The following ROBO2 variants were observed in gnomAD, a reference collection of about 807,000 sequenced individuals.
ROBO2 encodes the protein roundabout guidance receptor 2, also known as roundabout homolog 2.
ROBO2 carries 53 observed loss-of-function variants against 160.8 expected under a neutral mutation model. The observed-to-expected ratio is 0.33, with a 90% CI of 0.26 to 0.41. ROBO2 has a LOEUF of 0.41. Among genes scored for constraint, ROBO2 ranks in the 10% least tolerant of loss-of-function variants. ROBO2 has a pLI of 1.00. For synonymous variants in ROBO2, 664 were observed against 611.7 expected, an observed-to-expected ratio of 1.09 and a Z score of -1.26; for missense variants, 1,577 against 1,722.4, an observed-to-expected ratio of 0.92 and a Z score of 1.49.
chr3:76,404,046 C>A (rs1354623451), intron 2 of ROBO2, among the ~76,000 whole-genome samples: 1 of 151,540 alleles, frequency 6.6e-6, no homozygotes, highest in Non-Finnish European at 1.5e-5. Context: ...AGGTTTTAGG[C>A]AAATGAATTT....
intron 2 of ROBO2, among the ~76,000 whole-genome samples, chr3:76,798,281 A>AAAG (rs2063906522): frequency 6.7e-6 from 1 of 150,022 alleles, no homozygotes; most frequent in Non-Finnish European, 1.5e-5. Flanking sequence ...AGAAAGAAAG[A>AAAG]AAGAAAGAAA....
intron 2 of ROBO2, among the ~76,000 whole-genome samples, chr3:76,095,204 G>T (rs1415085091): frequency 2.0e-5 from 3 of 151,972 alleles, no homozygotes; most frequent in Non-Finnish European, 4.4e-5. Context: ...ATGGAACTTT[G>T]TTGCTGATAT....
intron 2 of ROBO2, among the ~76,000 whole-genome samples, chr3:76,774,663 G>A (rs1288483462): frequency 6.6e-6 from 1 of 150,764 alleles, no homozygotes; most frequent in Admixed American, 6.6e-5. Context: ...AGACAGATAG[G>A]AAGCACCCTC....
chr3:76,877,335 C>T (rs1390902656), intron 2 of ROBO2, among the ~76,000 whole-genome samples: 2 of 152,094 alleles, frequency 1.3e-5, no homozygotes, highest in Non-Finnish European at 2.9e-5. Context: ...TTTCAGAATA[C>T]GACGCTGTTA....
chr3:77,469,469 G>C (rs899858297), intron 2 of ROBO2, among the ~76,000 whole-genome samples: 18 of 152,156 alleles, frequency 1.2e-4, no homozygotes, highest in Non-Finnish European at 2.5e-4. Flanking sequence ...GTAACTGGTG[G>C]TGGTGGTGGT....
At chr3:76,675,707 A>G (rs1437160046) in intron 2 of ROBO2, among the ~76,000 whole-genome samples, 1 of 152,180 alleles carries the variant, frequency 6.6e-6, no homozygotes, top group African/African-American at 2.4e-5. Context: ...CTGAGAACAA[A>G]GGTTTTAAAA....
In ROBO2 at chr3:76,361,871, G is replaced by C. The variant is rs531538689; in HGVS notation, c.109+424269G>C. On this transcript the variant is annotated intron_variant, in intron 2 of 26. Coordinates refer to the ROBO2 transcript ENST00000487694. ...CTTTCTGATATTTAAGAAAGAGTAA[G>C]GTGTACAAAGTGAAAGCCTGCTACT... Among the ~76,000 whole-genome samples the C allele has an allele frequency of 2.6e-5, 4 of 152,178 alleles. No individual in the cohort carries two copies. The South Asian group carries it at 8.3e-4, about 32-fold the overall frequency.
intron 2 of ROBO2, among the ~76,000 whole-genome samples, chr3:77,273,026 A>G (rs1441045535): frequency 6.6e-6 from 1 of 152,192 alleles, no homozygotes; most frequent in Non-Finnish European, 1.5e-5. Context: ...TTACTGCATG[A>G]CAATGAAGTT....
intron 2 of ROBO2, among the ~76,000 whole-genome samples, chr3:76,989,285 A>C (rs1485205339): frequency 6.6e-6 from 1 of 152,180 alleles, no homozygotes. Flanking sequence ...CCGATTAGGA[A>C]AGTGAGGCTC....
chr3:77,279,069 G>A (rs1292577616), intron 2 of ROBO2, among the ~76,000 whole-genome samples: 6 of 152,046 alleles, frequency 3.9e-5, no homozygotes, highest in Non-Finnish European at 8.8e-5. Context: ...ATTAGTGATG[G>A]TCTGGATTAT....
At chr3:77,276,217 C>CAAAAAAAA (rs11414735) in intron 2 of ROBO2, among the ~76,000 whole-genome samples, 1 of 143,474 alleles carries the variant, frequency 7.0e-6, no homozygotes, top group Non-Finnish European at 1.6e-5. Flanking sequence ...AACAAACAAA[C>CAAAAAAAA]AAAAAAAAAA....
intron 2 of ROBO2, among the ~76,000 whole-genome samples, chr3:76,177,638 G>A (rs1179448279): frequency 6.6e-6 from 1 of 152,018 alleles, no homozygotes; most frequent in African/African-American, 2.4e-5. Flanking sequence ...AGCTAACTAA[G>A]GAGATGTTCT....
intron 2 of ROBO2, among the ~76,000 whole-genome samples, chr3:75,957,998 C>T (rs1177290714): frequency 6.6e-6 from 1 of 151,602 alleles, no homozygotes; most frequent in Non-Finnish European, 1.5e-5. Flanking sequence ...TAATAATTTT[C>T]CTTCATGTGG....
chr3:77,480,733 A>C (rs2084588804), intron 3 of ROBO2, among the ~76,000 whole-genome samples: 1 of 152,110 alleles, frequency 6.6e-6, no homozygotes, highest in Non-Finnish European at 1.5e-5. Context: ...ATTTTATTAG[A>C]TTATTTAAAA....
intron 2 of ROBO2, among the ~76,000 whole-genome samples, chr3:77,239,286 T>G (rs2088586295): frequency 6.6e-6 from 1 of 152,176 alleles, no homozygotes; most frequent in African/African-American, 2.4e-5. Flanking sequence ...CCGTGAGTGT[T>G]GCAGCTCTTA....
intron 2 of ROBO2, among the ~76,000 whole-genome samples, chr3:76,489,299 C>T (rs1560032770): frequency 6.6e-6 from 1 of 151,860 alleles, no homozygotes; most frequent in East Asian, 1.9e-4. Flanking sequence ...ATTACCTGCT[C>T]TTACCTTAAA....
chr3:77,095,074 A>C (rs919636194), intron 1 of ROBO2, among the ~76,000 whole-genome samples: 3 of 152,120 alleles, frequency 2.0e-5, no homozygotes, highest in Non-Finnish European at 2.9e-5. Context: ...TTGGTATCAT[A>C]TCCAAGAAGC....
intron 2 of ROBO2, among the ~76,000 whole-genome samples, chr3:77,141,290 C>A (rs901767093): frequency 1.3e-5 from 2 of 151,818 alleles, no homozygotes; most frequent in Non-Finnish European, 2.9e-5. Context: ...AAAGCCCCCC[C>A]CCCTTGTAAT....
At chr3:76,342,178 G>A (rs1342767276) in intron 2 of ROBO2, among the ~76,000 whole-genome samples, 2 of 151,994 alleles carry the variant, frequency 1.3e-5, no homozygotes, top group Admixed American at 1.3e-4. Context: ...CCTTTAACAG[G>A]CTCTGTCTCT....
Sources: allele counts gnomAD v4.1 joint callset (sites outside exome capture counted in the v4.1 genomes callset), GRCh38; gene constraint gnomAD v4.1.1; transcripts MANE v1.5; gene names NCBI Gene and HGNC (gene_info 2026-07-23, HGNC 2026-07-21).